Variants in NIPAL3 observed in about 807,000 individuals in gnomAD.
NIPAL3 encodes the protein NIPA like domain containing 3.
NIPAL3 carries 41 observed loss-of-function variants against 47.2 expected under a neutral mutation model. The ratio of observed to expected loss-of-function variants is 0.87; its 90% confidence interval spans 0.68 to 1.13. The LOEUF is 1.13. Among genes scored for constraint, NIPAL3 ranks in the 50% most tolerant of loss-of-function variants. The pLI is 0.00. For missense variants in NIPAL3, 449 were observed against 530.1 expected (o/e 0.85, Z 1.50); for synonymous variants, 194 against 209.6 (o/e 0.93, Z 0.64).
At chr1:24,428,250 CA>C (rs1343199329) in intron 2 of NIPAL3, among the ~76,000 whole-genome samples, 1 of 67,782 alleles carries the variant, frequency 1.5e-5, no homozygotes, top group Non-Finnish European at 3.2e-5. Context: ...GACCCTGTCT[CA>C]AAAAGAAAGA....
chr1:24,463,918 G>A (rs548981242), intron 10 of NIPAL3, 108 bp from the exon 11 acceptor site: 47 of 896,436 alleles, frequency 5.2e-5, no homozygotes, highest in Middle Eastern at 7.0e-4. Context: ...GCCCTCCTCC[G>A]CAGCCTGCAA....
intron 4 of NIPAL3, 108 bp from the exon 5 acceptor site, chr1:24,445,077 G>T: frequency 1.4e-6 from 1 of 692,958 alleles, no homozygotes. Flanking sequence ...GACAGGTTAG[G>T]AAGTACCAAG....
chr1:24,461,621 C>T (rs1160331220), intron 10 of NIPAL3, among the ~76,000 whole-genome samples: 1 of 151,462 alleles, frequency 6.6e-6, no homozygotes, highest in Non-Finnish European at 1.5e-5. Context: ...AATTCCAGCA[C>T]TTTGGGAGGC....
intron 8 of NIPAL3, among the ~76,000 whole-genome samples, chr1:24,456,858 G>A (rs1384258320): frequency 1.3e-5 from 2 of 151,838 alleles, no homozygotes; most frequent in Non-Finnish European, 2.9e-5. Flanking sequence ...TGCCTCTGGG[G>A]TTCAAGCGAT....
intron 1 of NIPAL3, among the ~76,000 whole-genome samples, chr1:24,417,910 C>T (rs1377275362): frequency 6.6e-6 from 1 of 152,106 alleles, no homozygotes; most frequent in African/African-American, 2.4e-5. Context: ...CACAGTGAGC[C>T]CTCAGTAAAT....
intron 9 of NIPAL3, 108 bp downstream of exon 9, chr1:24,459,084 T>A (rs1646353829): frequency 3.2e-6 from 3 of 934,170 alleles, no homozygotes; most frequent in Non-Finnish European, 5.1e-6. Context: ...GTAGAGTGAT[T>A]TATGGGTTCA....
At chr1:24,421,612 C>T (rs897572974) in intron 2 of NIPAL3, among the ~76,000 whole-genome samples, 3 of 152,216 alleles carry the variant, frequency 2.0e-5, no homozygotes, top group Admixed American at 1.3e-4. Context: ...GTGCTGAGTT[C>T]GTCACATGCC....
intron 3 of NIPAL3, among the ~76,000 whole-genome samples, chr1:24,441,854 C>G (rs747419565): frequency 8.5e-5 from 13 of 152,266 alleles, no homozygotes; most frequent in Non-Finnish European, 1.5e-4. Flanking sequence ...GATTCCCAGC[C>G]TGTTGGAGAG....
intron 10 of NIPAL3, among the ~76,000 whole-genome samples, chr1:24,461,331 C>T (rs1220169037): frequency 6.6e-6 from 1 of 151,966 alleles, no homozygotes; most frequent in Non-Finnish European, 1.5e-5. Context: ...TACCTGAGGT[C>T]GGGAGTTTGA....
chr1:24,415,761 C>T (rs1357907039), upstream of NIPAL3: 1 of 879,160 alleles, frequency 1.1e-6, no homozygotes, highest in Non-Finnish European at 1.4e-6. Context: ...AATCAAATCG[C>T]GACCTTTGAA....
At chr1:24,455,302 G>A (rs528977237) in intron 7 of NIPAL3, among the ~76,000 whole-genome samples, 1 of 152,298 alleles carries the variant, frequency 6.6e-6, no homozygotes, top group Admixed American at 6.5e-5. Context: ...TCCACAGGGA[G>A]GTGAGCAGGA....
chr1:24,419,314 C>G lies in NIPAL3; in HGVS notation c.-234C>G. 8.0e-7 allele frequency: 1 copy of G among 1,243,210 alleles called. No homozygotes were observed. 77.0% of individuals were successfully genotyped at this position (1,243,210 alleles called of 1,614,324 possible). A position where few individuals can be genotyped will look rare whatever the true frequency, so the allele number is the denominator to read the frequency against. On this transcript the variant is annotated 5_prime_UTR_variant, in exon 2 of 12. Coordinates refer to ENST00000374399, the MANE Select transcript of NIPAL3 (RefSeq NM_020448.5). Reference sequence around the variant, plus strand: ...AGAGCACCGCAAGAACTGGAAAACACACCCCTCTCTGTCTGCCTGGGAGAG... The same window carrying G: ...AGAGCACCGCAAGAACTGGAAAACAGACCCCTCTCTGTCTGCCTGGGAGAG...
At chr1:24,415,759 C>T (rs192248422), upstream of NIPAL3, 170 of 860,662 alleles carry the variant, frequency 2.0e-4, no homozygotes, top group Middle Eastern at 4.1e-3. Flanking sequence ...CAAATCAAAT[C>T]GCGACCTTTG....
chr1:24,442,834 G>A (rs1645459267), intron 4 of NIPAL3, among the ~76,000 whole-genome samples: 1 of 152,178 alleles, frequency 6.6e-6, no homozygotes, highest in East Asian at 1.9e-4. Flanking sequence ...GCTGGGCATG[G>A]TGGTATGCAT....
chr1:24,420,992 G>A (rs1644303556), intron 2 of NIPAL3, among the ~76,000 whole-genome samples: 1 of 152,186 alleles, frequency 6.6e-6, no homozygotes, highest in African/African-American at 2.4e-5. Flanking sequence ...TGCAGCATCT[G>A]ATTACTGGGA....
intron 2 of NIPAL3, among the ~76,000 whole-genome samples, chr1:24,435,290 C>T (rs371846920): frequency 1.1e-4 from 16 of 152,206 alleles, no homozygotes; most frequent in East Asian, 7.7e-4. Context: ...AATGTAAGAG[C>T]TAAAATTCTT....
upstream of NIPAL3, chr1:24,414,368 GA>G (rs750926198): frequency 0.035 from 4,919 of 142,268 alleles, 91 homozygotes; most frequent in African/African-American, 0.046. Context: ...TCTAACAGAA[GA>G]AAAAAAAAAA....
intron 2 of NIPAL3, among the ~76,000 whole-genome samples, chr1:24,420,740 A>G (rs1008413168): frequency 6.6e-6 from 1 of 152,178 alleles, no homozygotes; most frequent in Non-Finnish European, 1.5e-5. Flanking sequence ...TGATTGCCCA[A>G]TAATCCGTTG....
At chr1:24,456,111 C>T (rs1296772797) in intron 7 of NIPAL3, 27 bp from the exon 8 acceptor site, 2 of 1,613,698 alleles carry the variant, frequency 1.2e-6, no homozygotes, top group Non-Finnish European at 8.5e-7. Context: ...CTGAGGCTCC[C>T]CATTCGCCCT....
Sources: allele counts gnomAD v4.1 joint callset (sites outside exome capture counted in the v4.1 genomes callset), GRCh38; gene constraint gnomAD v4.1.1; transcripts MANE v1.5; gene names NCBI Gene and HGNC (gene_info 2026-07-23, HGNC 2026-07-21).